CCDC122: variants seen among roughly 807,000 people sequenced by gnomAD.
CCDC122 encodes coiled-coil domain-containing protein 122.
CCDC122 carries 38 observed loss-of-function variants against 37.0 expected under a neutral mutation model. The observed-to-expected ratio is 1.03, with a 90% confidence interval of 0.79 to 1.35. The LOEUF is 1.35. Among genes scored for constraint, CCDC122 ranks in the 40% most tolerant of loss-of-function variants. The probability of loss-of-function intolerance (pLI) is 0.00; values close to 1 mark genes in which losing one functional copy is unlikely to be tolerated. For missense variants in CCDC122, 305 were observed against 310.0 expected (o/e 0.98, Z 0.12); for synonymous variants, 83 against 95.6 (o/e 0.87, Z 0.77).
At chr13:43,876,256 T>G (rs1288009851) in intron 1 of CCDC122, among the ~76,000 whole-genome samples, 1 of 152,212 alleles carries the variant, frequency 6.6e-6, no homozygotes, top group Non-Finnish European at 1.5e-5. Flanking sequence ...GCAAGGAAAT[T>G]TGCATCTGCT....
At position 43,837,270 on chromosome 13, in the gene CCDC122, T is replaced by C. The variant is rs747983940; in HGVS notation, c.*10A>G. On this transcript the variant is annotated 3_prime_UTR_variant, in exon 7 of 7. Transcript: ENST00000444614. ...TCATGGTCTGTGTTCCACATTGCCC[T>C]ATGGCAATGTTACTCTTGCATTCCA... 1 of 1,612,464 alleles carries C rather than the reference T, an allele frequency of 6.2e-7. No individual in the cohort carries two copies. Among genetic ancestry groups the C allele is most frequent in the East Asian group, 2.2e-5 (1 of 44,848 alleles).
chr13:43,846,666 T>C (rs1014340808), intron 6 of CCDC122, among the ~76,000 whole-genome samples: 1 of 152,192 alleles, frequency 6.6e-6, no homozygotes, highest in Non-Finnish European at 1.5e-5. Flanking sequence ...AATTGGGCAG[T>C]TGCTGTAGTG....
chr13:43,871,290 A>C lies in CCDC122; in HGVS notation c.-113-1801T>G, dbSNP rs1290459530. Among the ~76,000 whole-genome samples, 4 of 152,042 alleles carry C rather than the reference A, an allele frequency of 2.6e-5. No individual in the cohort carries two copies. In the South Asian group the frequency reaches 8.3e-4, roughly 32 times the overall value. On this transcript the variant is annotated intron_variant, in intron 2 of 6. Coordinates refer to ENST00000444614, the MANE Select transcript of CCDC122 (RefSeq NM_144974.5). Reference sequence around the variant, plus strand: ...CATTTATAGAGCTGCTGCAGTTCCAACAGACCTCCAATGGCCTAATGACAC... The same window carrying C: ...CATTTATAGAGCTGCTGCAGTTCCACCAGACCTCCAATGGCCTAATGACAC...
chr13:43,872,237 TCCCTCCTTA>T (rs1237752962), intron 2 of CCDC122, among the ~76,000 whole-genome samples: 1 of 152,020 alleles, frequency 6.6e-6, no homozygotes, highest in African/African-American at 2.4e-5. Context: ...CATGTATTCT[TCCCTCCTTA>T]CTTGGCTTAG....
intron 2 of CCDC122, among the ~76,000 whole-genome samples, chr13:43,874,577 T>C (rs2153880805): frequency 6.6e-6 from 1 of 152,334 alleles, no homozygotes; most frequent in Non-Finnish European, 1.5e-5. Flanking sequence ...AACTCTTGGA[T>C]AATATTTATT....
intron 2 of CCDC122, among the ~76,000 whole-genome samples, chr13:43,872,966 G>A (rs1024297597): frequency 6.6e-5 from 10 of 151,916 alleles, no homozygotes; most frequent in African/African-American, 1.9e-4. Flanking sequence ...CTTTTATCAC[G>A]GTATCTATGA....
At chr13:43,878,634 T>C (rs952173521) in intron 1 of CCDC122, among the ~76,000 whole-genome samples, 4 of 152,148 alleles carry the variant, frequency 2.6e-5, no homozygotes, top group African/African-American at 9.7e-5. Flanking sequence ...TCTTGGAAGG[T>C]CGGATATTTT....
At chr13:43,824,004 C>T (rs527767957) in exon 4 of CCDC122, 13 of 152,172 alleles carry the variant, frequency 8.5e-5, no homozygotes, top group Non-Finnish European at 1.9e-4. Context: ...TGGGTCATCT[C>T]GCTTTGCCTT....
downstream of CCDC122, among the ~76,000 whole-genome samples, chr13:43,834,392 G>A (rs1953120209): frequency 6.6e-6 from 1 of 152,174 alleles, no homozygotes; most frequent in Admixed American, 6.5e-5. Context: ...TCAGGACATA[G>A]GCATGGGCAA....
chr13:43,852,471 G>T (rs1006462360), intron 6 of CCDC122, among the ~76,000 whole-genome samples: 18 of 152,190 alleles, frequency 1.2e-4, no homozygotes, highest in African/African-American at 4.3e-4. Context: ...AAACCTCTGA[G>T]AAATATTGAA....
chr13:43,865,693 G>C (rs773046208), intron 4 of CCDC122, among the ~76,000 whole-genome samples: 1 of 152,030 alleles, frequency 6.6e-6, no homozygotes, highest in Non-Finnish European at 1.5e-5. Flanking sequence ...TCGAACTCCC[G>C]ACCTCAAGTT....
chr13:43,861,361 T>C (rs534005924), intron 4 of CCDC122, among the ~76,000 whole-genome samples: 1 of 152,290 alleles, frequency 6.6e-6, no homozygotes, highest in African/African-American at 2.4e-5. Context: ...TGGGAAAGCA[T>C]TGTAATGTAT....
chr13:43,819,221 A>G (rs553758783), downstream of CCDC122, among the ~76,000 whole-genome samples: 9 of 152,360 alleles, frequency 5.9e-5, no homozygotes, highest in Non-Finnish European at 1.3e-4. Context: ...AAACAGTCTC[A>G]TACATTGTTG....
chr13:43,868,652 G>A (rs1393266611), intron 4 of CCDC122, 42 bp downstream of exon 4: 2 of 1,028,026 alleles, frequency 1.9e-6, no homozygotes, highest in East Asian at 2.8e-5. Flanking sequence ...ATTTACTTTT[G>A]AAGAAAGTAA....
At chr13:43,854,378 G>T (rs572774695) in intron 6 of CCDC122, 1 of 152,214 alleles carries the variant, frequency 6.6e-6, no homozygotes, top group South Asian at 2.1e-4. Flanking sequence ...AAATCTAGAA[G>T]AAATGGATAA....
chr13:43,873,750 A>G (rs1954519713), intron 2 of CCDC122, among the ~76,000 whole-genome samples: 1 of 152,168 alleles, frequency 6.6e-6, no homozygotes, highest in African/African-American at 2.4e-5. Context: ...AATTCCAAAT[A>G]CTATCTTAGT....
At chr13:43,865,211 C>A (rs74619788) in intron 4 of CCDC122, among the ~76,000 whole-genome samples, 195 of 152,114 alleles carry the variant, frequency 1.3e-3, no homozygotes, top group African/African-American at 4.6e-3. Context: ...GTGAGGGGTG[C>A]GGGGAAAGTA....
intron 3 of CCDC122, among the ~76,000 whole-genome samples, chr13:43,829,789 C>T (rs1953071179): frequency 2.6e-5 from 4 of 152,106 alleles, no homozygotes; most frequent in Non-Finnish European, 5.9e-5. Flanking sequence ...CATGAGACTT[C>T]TAATAAATCT....
chr13:43,825,863 G>C (rs1953035307), intron 3 of CCDC122, among the ~76,000 whole-genome samples: 1 of 151,018 alleles, frequency 6.6e-6, no homozygotes, highest in Admixed American at 6.6e-5. Flanking sequence ...GGAATCACTA[G>C]AAGTGGAACC....
Sources: allele counts gnomAD v4.1 joint callset (sites outside exome capture counted in the v4.1 genomes callset), GRCh38; gene constraint gnomAD v4.1.1; transcripts MANE v1.5; gene names NCBI Gene and HGNC (gene_info 2026-07-23, HGNC 2026-07-21).